RBFOX1: variants seen among roughly 807,000 people sequenced by gnomAD.
RBFOX1 encodes RNA binding fox-1 homolog 1.
RBFOX1 carries 8 observed loss-of-function variants against 57.7 expected under a neutral mutation model. The ratio of observed to expected loss-of-function variants is 0.14; its 90% confidence interval spans 0.08 to 0.25. RBFOX1 has a LOEUF of 0.25. RBFOX1 is among the 10% of genes least tolerant of loss of function. RBFOX1 has a pLI of 1.00. For missense variants in RBFOX1, 611 were observed against 548.5 expected (o/e 1.11, Z -1.14); for synonymous variants, 326 against 222.4 (o/e 1.47, Z -4.15).
At chr16:5,653,671 C>T (rs1271377904) in intron 3 of RBFOX1, among the ~76,000 whole-genome samples, 7 of 152,168 alleles carry the variant, frequency 4.6e-5, no homozygotes, top group East Asian at 1.9e-4. Flanking sequence ...TTGAAATGCT[C>T]GGCTTTTGGG....
At chr16:5,309,473 C>G (rs1225917564) in intron 1 of RBFOX1, among the ~76,000 whole-genome samples, 2 of 152,138 alleles carry the variant, frequency 1.3e-5, no homozygotes, top group African/African-American at 4.8e-5. Context: ...CCATGCCATG[C>G]TTTTTAAGTG....
intron 4 of RBFOX1, among the ~76,000 whole-genome samples, chr16:7,445,489 T>A (rs2098800859): frequency 6.6e-6 from 1 of 152,128 alleles, no homozygotes; most frequent in African/African-American, 2.4e-5. Flanking sequence ...TAAATGAACT[T>A]CTCAAAATGC....
intron 3 of RBFOX1, among the ~76,000 whole-genome samples, chr16:6,691,255 A>G (rs947261210): frequency 1.3e-5 from 2 of 152,128 alleles, no homozygotes; most frequent in Non-Finnish European, 2.9e-5. Flanking sequence ...TCCCGTGTCT[A>G]TACAGAGCAT....
intron 1 of RBFOX1, among the ~76,000 whole-genome samples, chr16:6,236,494 G>T (rs1160734993): frequency 6.6e-6 from 1 of 151,662 alleles, no homozygotes; most frequent in Non-Finnish European, 1.5e-5. Context: ...GAGTGCAGCA[G>T]CGCCATCTCG....
chr16:6,328,692 T>C (rs534446154), intron 2 of RBFOX1, among the ~76,000 whole-genome samples: 6 of 152,282 alleles, frequency 3.9e-5, no homozygotes, highest in African/African-American at 1.4e-4. Context: ...CTCATGAGGA[T>C]GGCAATAGGA....
chr16:6,121,938 C>G (rs1041681655), intron 1 of RBFOX1, among the ~76,000 whole-genome samples: 3 of 152,196 alleles, frequency 2.0e-5, no homozygotes, highest in East Asian at 1.9e-4. Context: ...GTCTCATTCA[C>G]TGTCTCACCC....
At chr16:7,271,487 C>T (rs531444334) in intron 4 of RBFOX1, among the ~76,000 whole-genome samples, 1 of 151,882 alleles carries the variant, frequency 6.6e-6, no homozygotes, top group South Asian at 2.1e-4. Flanking sequence ...CTTTGTATCA[C>T]TTGGTTGATC....
chr16:5,824,112 G>T (rs1236925030), intron 3 of RBFOX1, among the ~76,000 whole-genome samples: 1 of 152,226 alleles, frequency 6.6e-6, no homozygotes, highest in South Asian at 2.1e-4. Flanking sequence ...ACCTCTCTGG[G>T]CCTGGGAGCT....
intron 4 of RBFOX1, among the ~76,000 whole-genome samples, chr16:7,361,070 C>A (rs1054885479): frequency 1.3e-5 from 2 of 152,172 alleles, no homozygotes; most frequent in Non-Finnish European, 2.9e-5. Flanking sequence ...TAAACTCTGC[C>A]TGCTGGGGGT....
intron 14 of RBFOX1, among the ~76,000 whole-genome samples, chr16:7,682,242 T>C (rs1268427466): frequency 1.3e-5 from 2 of 152,214 alleles, no homozygotes; most frequent in African/African-American, 4.8e-5. Context: ...TGTATCATTT[T>C]ATTTACATTT....
At chr16:7,697,592 A>T (rs1220452802) in intron 14 of RBFOX1, among the ~76,000 whole-genome samples, 1 of 152,192 alleles carries the variant, frequency 6.6e-6, no homozygotes, top group African/African-American at 2.4e-5. Context: ...CAGTAGTTCA[A>T]CGAGGTGTTA....
At chr16:5,756,891 A>G (rs1222027891) in intron 3 of RBFOX1, among the ~76,000 whole-genome samples, 3 of 152,226 alleles carry the variant, frequency 2.0e-5, no homozygotes, top group Admixed American at 6.5e-5. Flanking sequence ...TTACATTTGT[A>G]TAAAAAATAT....
chr16:6,806,779 C>G (rs959126133), intron 3 of RBFOX1, among the ~76,000 whole-genome samples: 2 of 81,494 alleles, frequency 2.5e-5, no homozygotes, highest in African/African-American at 6.8e-5. Context: ...GTTTCTTTTT[C>G]TCTTTCCTTT....
At chr16:5,674,685 C>A (rs1162737601) in intron 3 of RBFOX1, among the ~76,000 whole-genome samples, 1 of 152,104 alleles carries the variant, frequency 6.6e-6, no homozygotes, top group Non-Finnish European at 1.5e-5. Context: ...TAATACGTGG[C>A]GAATGCATGG....
At chr16:7,119,820 AG>A (rs2066716896) in intron 4 of RBFOX1, among the ~76,000 whole-genome samples, 1 of 152,188 alleles carries the variant, frequency 6.6e-6, no homozygotes, top group Non-Finnish European at 1.5e-5. Flanking sequence ...ACGAGGCTGT[AG>A]AAGTACTGAA....
At chr16:6,325,022 A>T (rs189862100) in intron 2 of RBFOX1, among the ~76,000 whole-genome samples, 4 of 152,278 alleles carry the variant, frequency 2.6e-5, no homozygotes, top group Admixed American at 2.6e-4. Flanking sequence ...AACTAATATT[A>T]ATATAATTTG....
upstream of RBFOX1, among the ~76,000 whole-genome samples, chr16:6,017,109 A>T (rs1329434110): frequency 6.6e-6 from 1 of 152,150 alleles, no homozygotes; most frequent in Non-Finnish European, 1.5e-5. Flanking sequence ...TCCAATGGTA[A>T]ATATATATAT....
intron 2 of RBFOX1, among the ~76,000 whole-genome samples, chr16:6,515,360 T>G (rs1288674364): frequency 2.0e-5 from 3 of 152,214 alleles, no homozygotes; most frequent in Admixed American, 2.0e-4. Context: ...CAAACAACCT[T>G]CAGAAGTTCC....
At chr16:7,392,542 A>G (rs1430067376) in intron 4 of RBFOX1, among the ~76,000 whole-genome samples, 2 of 152,334 alleles carry the variant, frequency 1.3e-5, no homozygotes, top group East Asian at 3.9e-4. Flanking sequence ...GGAAGAAAGA[A>G]GGCAGGCATG....
Sources: allele counts gnomAD v4.1 joint callset (sites outside exome capture counted in the v4.1 genomes callset), GRCh38; gene constraint gnomAD v4.1.1; transcripts MANE v1.5; gene names NCBI Gene and HGNC (gene_info 2026-07-23, HGNC 2026-07-21).